WDR49: variants seen among roughly 807,000 people sequenced by gnomAD.
WDR49 encodes cilia- and flagella-associated protein 337.
Under a neutral mutation model 119.5 loss-of-function variants are expected in WDR49, and 107 were observed. The ratio of observed to expected loss-of-function variants is 0.90; its 90% confidence interval spans 0.77 to 1.05. The LOEUF is 1.05. Among genes scored for constraint, WDR49 ranks in the 50% least tolerant of loss-of-function variants. WDR49 has a pLI of 0.00. For missense variants in WDR49, 1,240 were observed against 1,220.5 expected, an observed-to-expected ratio of 1.02 and a Z score of -0.24; for synonymous variants, 425 against 418.8, an observed-to-expected ratio of 1.01 and a Z score of -0.18.
chr3:167,493,952 G>T (rs1467163582), intron 18 of WDR49, among the ~76,000 whole-genome samples: 1 of 152,116 alleles, frequency 6.6e-6, no homozygotes, highest in African/African-American at 2.4e-5. Flanking sequence ...ATCCAAACTA[G>T]AAGACTGATC....
chr3:167,583,131 A>AT (rs1714634342), intron 7 of WDR49, among the ~76,000 whole-genome samples: 1 of 152,146 alleles, frequency 6.6e-6, no homozygotes, highest in Non-Finnish European at 1.5e-5. Context: ...GATTCTTGCA[A>AT]TTATCATTAT....
At chr3:167,488,469 C>G (rs544668792) in intron 18 of WDR49, among the ~76,000 whole-genome samples, 16 of 151,872 alleles carry the variant, frequency 1.1e-4, no homozygotes, top group African/African-American at 3.9e-4. Context: ...TGCAATATAC[C>G]CATTTACCAA....
chr3:167,509,960 C>T (rs1188041516), intron 16 of WDR49, among the ~76,000 whole-genome samples: 1 of 152,044 alleles, frequency 6.6e-6, no homozygotes, highest in Non-Finnish European at 1.5e-5. Flanking sequence ...ATAAAATGTA[C>T]ATTTTTTCAT....
chr3:167,596,843 A>T (rs1404674199), intron 7 of WDR49, among the ~76,000 whole-genome samples: 1 of 151,350 alleles, frequency 6.6e-6, no homozygotes, highest in Non-Finnish European at 1.5e-5. Context: ...CACATTGGGC[A>T]CATGTACCCT....
chr3:167,636,468 C>A (rs1320733095), intron 2 of WDR49, among the ~76,000 whole-genome samples: 2 of 149,940 alleles, frequency 1.3e-5, no homozygotes, highest in African/African-American at 4.9e-5. Context: ...TGGGCAATAT[C>A]TTTTTGGTAT....
At chr3:167,549,550 T>G (rs1712421398) in intron 10 of WDR49, among the ~76,000 whole-genome samples, 1 of 152,212 alleles carries the variant, frequency 6.6e-6, no homozygotes, top group Non-Finnish European at 1.5e-5. Flanking sequence ...ATTTGATTTT[T>G]TCTTGTAAAT....
intron 13 of WDR49, among the ~76,000 whole-genome samples, chr3:167,530,580 A>C (rs77066341): frequency 6.6e-6 from 1 of 151,958 alleles, no homozygotes; most frequent in Admixed American, 6.6e-5. Flanking sequence ...AAAAAAAAAA[A>C]CAAAACGATG....
At chr3:167,485,637 T>C (rs6804733) in intron 18 of WDR49, among the ~76,000 whole-genome samples, 76,626 of 151,708 alleles carry the variant, frequency 0.51, 19,888 homozygotes, top group African/African-American at 0.64. Flanking sequence ...TTTTAACAGC[T>C]GAATAGACCA....
Position 167,536,951 on chromosome 3 carries a change from G to A in WDR49, c.1873C>T (p.Pro625Ser). 6.3e-7 allele frequency: 1 copy of A among 1,590,214 alleles called. No individual in the cohort carries two copies. The highest frequency in any genetic ancestry group is 8.6e-7 in the Non-Finnish European group (1 of 1,168,834). ...TGTATACCTCCTTTCCATTCTTCAGGCTGGATGAAAAATTGATTGAAGTTT... is the reference window on the plus strand; with the variant it reads ...TGTATACCTCCTTTCCATTCTTCAGACTGGATGAAAAATTGATTGAAGTTT... ...PQNFNQFFIQPEEWKGGIQHH... is the reference protein window; with the variant it reads ...PQNFNQFFIQSEEWKGGIQHH... Residue 625 changes from proline (P) to serine (S), a missense_variant, in exon 11 of 19, where the codon CCT (proline) becomes TCT (serine). By Grantham distance (74) the Pro-to-Ser change is moderately conservative. Transcript: ENST00000682715.
intron 8 of WDR49, among the ~76,000 whole-genome samples, chr3:167,568,619 C>T (rs1028799805): frequency 5.3e-5 from 8 of 152,114 alleles, no homozygotes; most frequent in African/African-American, 1.9e-4. Flanking sequence ...ACCTATGGTA[C>T]ATATCAAGCA....
At chr3:167,503,579 T>C (rs1197920677) in intron 17 of WDR49, among the ~76,000 whole-genome samples, 1 of 152,198 alleles carries the variant, frequency 6.6e-6, no homozygotes, top group African/African-American at 2.4e-5. Flanking sequence ...ACCAGGGCAC[T>C]TAGCCGTGCA....
chr3:167,503,187 C>G (rs1751641336), intron 17 of WDR49, among the ~76,000 whole-genome samples: 1 of 152,228 alleles, frequency 6.6e-6, no homozygotes, highest in African/African-American at 2.4e-5. Context: ...TGGTGTTAAG[C>G]CTGCAGGTAC....
At chr3:167,575,158 C>A (rs901285229) in intron 8 of WDR49, 3 of 985,182 alleles carry the variant, frequency 3.0e-6, no homozygotes, top group Non-Finnish European at 3.6e-6. Flanking sequence ...GTGCTGTTAC[C>A]ATCAGGCCTG....
chr3:167,647,214 C>T (rs1044251383), intron 2 of WDR49, among the ~76,000 whole-genome samples: 8 of 152,138 alleles, frequency 5.3e-5, no homozygotes, highest in African/African-American at 1.9e-4. Context: ...CTTTCTCCCT[C>T]CCTCCTCTGT....
At chr3:167,602,019 T>A in intron 7 of WDR49, 108 bp downstream of exon 7, 2 of 1,348,110 alleles carry the variant, frequency 1.5e-6, no homozygotes, top group Non-Finnish European at 2.0e-6. Flanking sequence ...CTAGCCAGTA[T>A]ATTTTAAAAA....
At chr3:167,612,799 CA>C (rs1716402460) in intron 5 of WDR49, among the ~76,000 whole-genome samples, 1 of 151,838 alleles carries the variant, frequency 6.6e-6, no homozygotes, top group Admixed American at 6.6e-5. Flanking sequence ...CAGCCAGGCA[CA>C]AAAAGACAAA....
At position 167,596,859 on chromosome 3, in the gene WDR49, T is replaced by C. The variant is rs1180817377; in HGVS notation, c.1275+5268A>G. Among the ~76,000 whole-genome samples the C allele has an allele frequency of 3.4e-5, 5 of 147,036 alleles. No individual in the cohort carries two copies. In the East Asian group the frequency reaches 1.0e-3, roughly 30 times the overall value. On this transcript the variant is annotated intron_variant, in intron 7 of 18. Coordinates refer to ENST00000682715, the MANE Select transcript of WDR49 (RefSeq NM_001366157.1). Reference sequence around the variant, plus strand: ...ACATTGGGCACATGTACCCTAAAACTTAAAGTATAATAATAAATAAATAAA... The same window carrying C: ...ACATTGGGCACATGTACCCTAAAACCTAAAGTATAATAATAAATAAATAAA...
rs190835245 is a variant in WDR49, at chr3:167,518,076, T to C, written c.2774+4239A>G. 4.2e-3 allele frequency among the ~76,000 whole-genome samples: 645 copies of C among 152,292 alleles called. 2 individuals are homozygous for C. Among genetic ancestry groups the C allele is most frequent in the East Asian group, 0.03 (153 of 5,166 alleles). On this transcript the variant is annotated intron_variant, in intron 16 of 18. Coordinates refer to ENST00000682715, the MANE Select transcript of WDR49 (RefSeq NM_001366157.1). ...AAGGACATGAACTCATCATTTTTTA[T>C]GGCTGCATAGTATTCCATGGTGTAT...
chr3:167,634,316 A>G (rs1027569224), intron 2 of WDR49, among the ~76,000 whole-genome samples: 7 of 151,934 alleles, frequency 4.6e-5, no homozygotes, highest in African/African-American at 1.7e-4. Context: ...ATGTTTTGCT[A>G]CATTTATTTT....
Sources: gnomAD v4.1 joint callset for allele counts (sites outside exome capture counted in the v4.1 genomes callset) on GRCh38, gnomAD v4.1.1 for gene constraint, MANE v1.5 for transcripts, NCBI Gene and HGNC (gene_info 2026-07-23, HGNC 2026-07-21) for gene names.